Variants in KCNJ12 observed in about 807,000 individuals in gnomAD.
The protein encoded by KCNJ12 is ATP-sensitive inward rectifier potassium channel 12.
Under a neutral mutation model 22.3 loss-of-function variants are expected in KCNJ12, and 2 were observed. The ratio of observed to expected loss-of-function variants is 0.09; its 90% CI spans 0.04 to 0.28. The LOEUF is 0.28. KCNJ12 is among the 10% of genes least tolerant of loss of function. KCNJ12 has a pLI of 1.00. For missense variants in KCNJ12, 155 were observed against 633.3 expected (o/e 0.24, Z 8.11); for synonymous variants, 117 against 261.4 (o/e 0.45, Z 5.33).
chr17:21,411,753 C>A (rs1225197314), intron 2 of KCNJ12, among the ~76,000 whole-genome samples: 2 of 152,292 alleles, frequency 1.3e-5, no homozygotes, highest in Non-Finnish European at 2.9e-5. Flanking sequence ...ACTGTATGCA[C>A]CCCATTGAGC....
chr17:21,396,420 T>G (rs1905365150), intron 1 of KCNJ12, among the ~76,000 whole-genome samples: 1 of 152,116 alleles, frequency 6.6e-6, no homozygotes, highest in African/African-American at 2.4e-5. Flanking sequence ...TGCTTTGCTG[T>G]GCACAGGTCC....
chr17:21,411,848 G>T (rs1906367440), intron 2 of KCNJ12, among the ~76,000 whole-genome samples: 1 of 152,312 alleles, frequency 6.6e-6, no homozygotes, highest in East Asian at 1.9e-4. Flanking sequence ...GCATGGTTGT[G>T]TAACATCTTG....
chr17:21,383,764 T>C (rs1456548229), intron 1 of KCNJ12, among the ~76,000 whole-genome samples: 11 of 152,168 alleles, frequency 7.2e-5, no homozygotes, highest in African/African-American at 2.4e-4. Flanking sequence ...TGCAGGATTT[T>C]GGCCTCATTC....
intron 1 of KCNJ12, among the ~76,000 whole-genome samples, chr17:21,384,323 C>T (rs570040104): frequency 1.9e-4 from 29 of 152,198 alleles, no homozygotes; most frequent in African/African-American, 6.5e-4. Flanking sequence ...CACCGAAGTC[C>T]GTGAGTCATG....
intron 2 of KCNJ12, among the ~76,000 whole-genome samples, chr17:21,412,207 CTG>C (rs1265584027): frequency 7.1e-6 from 1 of 140,590 alleles, no homozygotes; most frequent in Non-Finnish European, 1.6e-5. Context: ...TTGATGCTCT[CTG>C]TGTGGTAAAA....
At chr17:21,395,595 GAAAGAAA>G (rs1661167229) in intron 1 of KCNJ12, among the ~76,000 whole-genome samples, 1 of 91,566 alleles carries the variant, frequency 1.1e-5, no homozygotes, top group Admixed American at 1.1e-4. Context: ...AAAAAAAAAA[GAAAGAAA>G]AAAGAAAAAA....
intron 1 of KCNJ12, among the ~76,000 whole-genome samples, chr17:21,393,304 T>A (rs1210171066): frequency 2.6e-5 from 4 of 152,142 alleles, no homozygotes; most frequent in African/African-American, 9.7e-5. Context: ...GGGGTCTGGC[T>A]CTGGCGGATG....
At chr17:21,400,908 T>G (rs4525553) in intron 1 of KCNJ12, among the ~76,000 whole-genome samples, 3 of 152,008 alleles carry the variant, frequency 2.0e-5, no homozygotes, top group Non-Finnish European at 4.4e-5. Context: ...GCCGTCCTAC[T>G]GACTCCATGG....
intron 1 of KCNJ12, among the ~76,000 whole-genome samples, chr17:21,407,447 C>A (rs541490021): frequency 1.8e-4 from 27 of 152,354 alleles, no homozygotes; most frequent in African/African-American, 6.0e-4. Flanking sequence ...ACCCATCCAC[C>A]CAGCCATCCC....
At chr17:21,389,230 C>T (rs1279627876) in intron 1 of KCNJ12, among the ~76,000 whole-genome samples, 11 of 152,182 alleles carry the variant, frequency 7.2e-5, no homozygotes, top group African/African-American at 2.7e-4. Context: ...AGTCTTGCCT[C>T]CCACCTGTGA....
At chr17:21,407,755 T>TCATCCATCCATCCATCCATC (rs1240756282) in intron 1 of KCNJ12, among the ~76,000 whole-genome samples, 1 of 148,858 alleles carries the variant, frequency 6.7e-6, no homozygotes, top group Non-Finnish European at 1.5e-5. Flanking sequence ...ATCCATCCAT[T>TCATCCATCCATCCATCCATC]CATCCATCCA....
At chr17:21,413,965 G>A (rs1197783778) in intron 2 of KCNJ12, among the ~76,000 whole-genome samples, 1 of 152,332 alleles carries the variant, frequency 6.6e-6, no homozygotes, top group Non-Finnish European at 1.5e-5. Context: ...GGCTGGGGAG[G>A]GCCCTCGGCT....
At chr17:21,392,821 C>G (rs868989502) in intron 1 of KCNJ12, among the ~76,000 whole-genome samples, 2 of 152,194 alleles carry the variant, frequency 1.3e-5, no homozygotes, top group African/African-American at 4.8e-5. Flanking sequence ...GTGGGCAGCA[C>G]GGTCGGGGCA....
chr17:21,415,609 G>A lies in KCNJ12; in HGVS notation c.267G>A (p.Leu89=). The A allele has an allele frequency of 6.2e-7, 1 of 1,614,060 alleles. No homozygotes were observed. Among genetic ancestry groups the A allele is most frequent in the East Asian group, 2.2e-5 (1 of 44,896 alleles). Residue 89 remains leucine (L), a synonymous_variant, in exon 3 of 3, where the codon CTG becomes CTA. Coordinates refer to ENST00000583088, the MANE Select transcript of KCNJ12 (RefSeq NM_021012.5). ...RWRYMLLIFS[L]AFLASWLLFG... ...GGTACATGCTGCTCATCTTCTCGCT[G>A]GCCTTCCTTGCCTCCTGGCTGCTGT...
At chr17:21,386,576 C>T (rs1247208743) in intron 1 of KCNJ12, among the ~76,000 whole-genome samples, 1 of 151,982 alleles carries the variant, frequency 6.6e-6, no homozygotes, top group Non-Finnish European at 1.5e-5. Flanking sequence ...GGCGTGATCT[C>T]GGCTCACTGC....
At chr17:21,391,640 C>A (rs1008685861) in intron 1 of KCNJ12, among the ~76,000 whole-genome samples, 1 of 152,234 alleles carries the variant, frequency 6.6e-6, no homozygotes, top group African/African-American at 2.4e-5. Context: ...GGCATCTTCC[C>A]CTGCACACTC....
In KCNJ12 at chr17:21,407,993, T is replaced by TCATCCATCCATCCATCCATCCATCCATC. The variant is rs60311230; in HGVS notation, c.-178-523_-178-496dup. On this transcript the variant is annotated intron_variant, in intron 1 of 2. Coordinates refer to ENST00000583088, the MANE Select transcript of KCNJ12 (RefSeq NM_021012.5). ...ATTCATTTATCCACCCACCCATCCATCATCCATCCATCCATCCATCCATCC... is the reference window on the plus strand; with the variant it reads ...ATTCATTTATCCACCCACCCATCCATCATCCATCCATCCATCCATCCATCCATCCATCCATCCATCCATCCATCCATCC... Among the ~76,000 whole-genome samples the TCATCCATCCATCCATCCATCCATCCATC allele has an allele frequency of 5.2e-5, 7 of 134,572 alleles. No homozygotes were observed. The South Asian group carries it at 1.5e-3, about 29-fold the overall frequency. The allele number at this position is 134,572 out of a possible 152,430, so 88.3% of individuals were successfully genotyped here.
intron 1 of KCNJ12, among the ~76,000 whole-genome samples, chr17:21,405,496 A>G (rs1597573286): frequency 6.6e-6 from 1 of 152,128 alleles, no homozygotes; most frequent in South Asian, 2.1e-4. Context: ...TTCATGGCAC[A>G]CCCTCTGAGA....
At position 21,376,888 on chromosome 17, in the gene KCNJ12, G is replaced by A. The variant is rs1904674368; in HGVS notation, c.-204G>A. 6.6e-6 allele frequency: 1 copy of A among 151,630 alleles called. No individual in the cohort carries two copies. The highest frequency in any genetic ancestry group is 2.1e-4 in the South Asian group (1 of 4,836). The allele number at this position is 151,630 out of a possible 1,614,324, so 9.4% of individuals were successfully genotyped here. ...GCCCGGAGCTTGGAGGACGCCGAGC[G>A]CGCCGCGCCCGGGCCACTGACCGAG... On this transcript the variant is annotated 5_prime_UTR_variant, in exon 1 of 3. Transcript: ENST00000583088. The surrounding 1 kb of genome is among the most constrained non-coding windows in gnomAD (Gnocchi z 5.3).
Sources: allele counts gnomAD v4.1 joint callset (sites outside exome capture counted in the v4.1 genomes callset), GRCh38; gene constraint gnomAD v4.1.1; non-coding constraint Gnocchi (gnomAD v3.1); transcripts MANE v1.5; gene names NCBI Gene and HGNC (gene_info 2026-07-23, HGNC 2026-07-21).